The following NRG3 variants were observed in gnomAD, a reference collection of about 807,000 sequenced individuals.
The protein encoded by NRG3 is neuregulin 3, also known as pro-neuregulin-3, membrane-bound isoform.
Under a neutral mutation model 66.9 loss-of-function variants are expected in NRG3, and 31 were observed. The ratio of observed to expected loss-of-function variants is 0.46; its 90% confidence interval spans 0.35 to 0.63. The LOEUF is 0.63. Ranked by LOEUF, NRG3 falls within the 20% of genes least tolerant of loss-of-function variation. NRG3 has a pLI of 0.00. For missense variants in NRG3, 910 were observed against 878.9 expected (o/e 1.04, Z -0.45); for synonymous variants, 393 against 359.4 (o/e 1.09, Z -1.06).
chr10:82,854,779 A>G (rs1200051753), intron 3 of NRG3, among the ~76,000 whole-genome samples: 2 of 152,200 alleles, frequency 1.3e-5, no homozygotes, highest in Non-Finnish European at 2.9e-5. Flanking sequence ...CTAACCTAAG[A>G]GTACCTCCTC....
At chr10:82,358,531 A>C (rs915949871) in intron 1 of NRG3, among the ~76,000 whole-genome samples, 28 of 152,148 alleles carry the variant, frequency 1.8e-4, no homozygotes, top group African/African-American at 6.5e-4. Flanking sequence ...AATAGATAAA[A>C]TTTAGTGGAG....
At chr10:82,553,322 G>A (rs59856250) in intron 2 of NRG3, among the ~76,000 whole-genome samples, 3,355 of 151,786 alleles carry the variant, frequency 0.022, 131 homozygotes, top group African/African-American at 0.077. Context: ...TAACTAGTGA[G>A]AACCGCACCC....
At chr10:82,017,413 C>T (rs1335801330) in intron 1 of NRG3, among the ~76,000 whole-genome samples, 1 of 152,136 alleles carries the variant, frequency 6.6e-6, no homozygotes, top group East Asian at 1.9e-4. Flanking sequence ...GTGCATGTGT[C>T]TTTATAGCAG....
intron 1 of NRG3, among the ~76,000 whole-genome samples, chr10:82,070,080 G>T (rs2064718319): frequency 6.6e-6 from 1 of 152,204 alleles, no homozygotes; most frequent in South Asian, 2.1e-4. Context: ...CAAGAAATAT[G>T]TTGGTCAAAT....
chr10:81,928,501 A>G (rs1847029500), intron 1 of NRG3, among the ~76,000 whole-genome samples: 1 of 152,230 alleles, frequency 6.6e-6, no homozygotes, highest in African/African-American at 2.4e-5. Context: ...AATCCATCAT[A>G]AAGAATTGAG....
intron 2 of NRG3, among the ~76,000 whole-genome samples, chr10:82,707,782 G>A (rs1160467638): frequency 1.3e-5 from 2 of 148,250 alleles, no homozygotes; most frequent in Non-Finnish European, 3.0e-5. Context: ...GCTGAGGTGT[G>A]TGGATCACCT....
At chr10:82,043,321 G>A (rs1418204820) in intron 1 of NRG3, among the ~76,000 whole-genome samples, 1 of 152,014 alleles carries the variant, frequency 6.6e-6, no homozygotes, top group Non-Finnish European at 1.5e-5. Context: ...CCACACTTAA[G>A]TGTGTCTTAT....
rs143403856 is a variant in NRG3 at position 82,928,522 on chromosome 10, G to C, written c.1055-22947G>C. ...TCTTGAGTTAATTTTTGTATAAGGT[G>C]TAATGAAGGGGTCCAGTTTCAGTTT... On this transcript the variant is annotated intron_variant, in intron 4 of 8. Transcript: ENST00000372141. Among the ~76,000 whole-genome samples the C allele has an allele frequency of 5.1e-3, 767 of 151,536 alleles. 6 individuals carry two copies. The highest frequency in any genetic ancestry group is 0.018 in the African/African-American group (726 of 41,344).
intron 2 of NRG3, among the ~76,000 whole-genome samples, chr10:82,427,908 T>A (rs897364032): frequency 6.6e-6 from 1 of 152,038 alleles, no homozygotes; most frequent in Non-Finnish European, 1.5e-5. Context: ...TATTCAGATA[T>A]TTTATTTCTT....
intron 2 of NRG3, among the ~76,000 whole-genome samples, chr10:82,652,534 C>T (rs900767020): frequency 2.6e-5 from 4 of 152,150 alleles, no homozygotes; most frequent in Admixed American, 2.0e-4. Flanking sequence ...CTGCTTCTCT[C>T]CTCTCCCCAA....
chr10:82,421,086 G>C (rs2089030611), intron 2 of NRG3, among the ~76,000 whole-genome samples: 2 of 152,000 alleles, frequency 1.3e-5, no homozygotes, highest in African/African-American at 4.8e-5. Context: ...CTTCATATGG[G>C]CTAAAACTCA....
intron 1 of NRG3, among the ~76,000 whole-genome samples, chr10:82,235,986 G>T (rs908937904): frequency 6.6e-6 from 1 of 150,924 alleles, no homozygotes. Context: ...ACATAGACAC[G>T]CACACACACA....
At chr10:82,435,779 C>CT (rs1158502018) in intron 2 of NRG3, among the ~76,000 whole-genome samples, 10,593 of 108,330 alleles carry the variant, frequency 0.098, 583 homozygotes, top group East Asian at 0.17. Flanking sequence ...CTTTTCTTTT[C>CT]TTTTTTTTTT....
intron 2 of NRG3, among the ~76,000 whole-genome samples, chr10:82,710,261 A>G (rs932505540): frequency 6.6e-6 from 1 of 152,202 alleles, no homozygotes; most frequent in African/African-American, 2.4e-5. Context: ...GCAGTGTTTA[A>G]TCACTATTCC....
At chr10:82,171,812 C>G (rs1590402114) in intron 1 of NRG3, among the ~76,000 whole-genome samples, 1 of 152,090 alleles carries the variant, frequency 6.6e-6, no homozygotes, top group Non-Finnish European at 1.5e-5. Flanking sequence ...GAGGGAAGAA[C>G]AAGGATATCC....
chr10:82,098,052 T>TACAC lies in NRG3; in HGVS notation c.823+221890_823+221891insCACA, dbSNP rs144810914. 9.8e-4 allele frequency among the ~76,000 whole-genome samples: 110 copies of TACAC among 111,820 alleles called. No individual in the cohort carries two copies. In the East Asian group the frequency reaches 0.021, roughly 22 times the overall value. The allele number at this position is 111,820 out of a possible 152,430, so 73.4% of individuals were successfully genotyped here. On this transcript the variant is annotated intron_variant, in intron 1 of 8. Transcript: ENST00000372141. ...AGCTAACAATGTAGTCTGCCACATA[T>TACAC]ATACACACACACACACACACACACA...
chr10:82,683,859 A>G (rs1027502917), intron 2 of NRG3, among the ~76,000 whole-genome samples: 1 of 152,194 alleles, frequency 6.6e-6, no homozygotes, highest in Admixed American at 6.5e-5. Context: ...TCTTACTTGC[A>G]TTATTTTTCT....
intron 2 of NRG3, among the ~76,000 whole-genome samples, chr10:82,648,935 A>C (rs2051184162): frequency 6.6e-6 from 1 of 152,144 alleles, no homozygotes; most frequent in Non-Finnish European, 1.5e-5. Flanking sequence ...CCTTCATGCT[A>C]AAAACTCTCA....
intron 2 of NRG3, among the ~76,000 whole-genome samples, chr10:82,573,189 C>T (rs1278553449): frequency 6.6e-6 from 1 of 151,788 alleles, no homozygotes; most frequent in East Asian, 1.9e-4. Flanking sequence ...AAATGTACTG[C>T]ATTGCCTTTG....
Sources: allele counts gnomAD v4.1 joint callset (sites outside exome capture counted in the v4.1 genomes callset), GRCh38; gene constraint gnomAD v4.1.1; transcripts MANE v1.5; gene names NCBI Gene and HGNC (gene_info 2026-07-23, HGNC 2026-07-21).